The following THSD7B variants were observed in gnomAD, a reference collection of about 807,000 sequenced individuals.
The protein encoded by THSD7B is thrombospondin type-1 domain-containing protein 7B.
In THSD7B, 138 loss-of-function variants were observed where a neutral mutation model predicts 213.6. The ratio of observed to expected loss-of-function variants is 0.65; its 90% CI spans 0.56 to 0.74. THSD7B has a LOEUF of 0.74. THSD7B is among the 30% of genes least tolerant of loss of function. The pLI, the probability that THSD7B is intolerant of heterozygous loss-of-function variation, is 0.00. For missense variants in THSD7B, 1,931 were observed against 1,991.5 expected (o/e 0.97, Z 0.58); for synonymous variants, 742 against 687.0 (o/e 1.08, Z -1.25).
At chr2:136,869,190 G>A (rs755560884) in intron 1 of THSD7B, among the ~76,000 whole-genome samples, 15 of 152,088 alleles carry the variant, frequency 9.9e-5, no homozygotes, top group South Asian at 2.1e-4. Flanking sequence ...TGGGATATTC[G>A]TAATGTATTT....
At chr2:137,395,532 A>G (rs1236306716) in intron 12 of THSD7B, among the ~76,000 whole-genome samples, 4 of 151,784 alleles carry the variant, frequency 2.6e-5, no homozygotes, top group Non-Finnish European at 5.9e-5. Context: ...CATGGTGGAT[A>G]AGCTTTTTGA....
intron 17 of THSD7B, among the ~76,000 whole-genome samples, chr2:137,587,000 C>T (rs1245463455): frequency 6.6e-6 from 1 of 152,250 alleles, no homozygotes; most frequent in Non-Finnish European, 1.5e-5. Flanking sequence ...GGTCTTTTCA[C>T]ATAGTCCCAT....
intron 14 of THSD7B, among the ~76,000 whole-genome samples, chr2:137,416,025 A>G (rs543733286): frequency 6.6e-6 from 1 of 152,326 alleles, no homozygotes; most frequent in Admixed American, 6.5e-5. Context: ...TGCTGTATCC[A>G]CAACACCTAC....
chr2:137,574,062 TGAA>T (rs1287947674), intron 17 of THSD7B, among the ~76,000 whole-genome samples: 2 of 152,128 alleles, frequency 1.3e-5, no homozygotes, highest in South Asian at 2.1e-4. Context: ...ATTAGCAGCC[TGAA>T]GAAGTTTAAT....
chr2:137,411,960 C>G (rs1686665705), intron 14 of THSD7B, 88 bp downstream of exon 14: 2 of 1,426,084 alleles, frequency 1.4e-6, no homozygotes, highest in Non-Finnish European at 1.9e-6. Flanking sequence ...TAGCTCTGCT[C>G]TATAATAATT....
chr2:137,545,559 A>T (rs1242555496), intron 15 of THSD7B, among the ~76,000 whole-genome samples: 1 of 151,930 alleles, frequency 6.6e-6, no homozygotes, highest in African/African-American at 2.4e-5. Context: ...ATAGGAATCC[A>T]AGACAAGTAA....
chr2:137,133,229 C>T (rs1688774061), intron 5 of THSD7B, among the ~76,000 whole-genome samples: 1 of 152,116 alleles, frequency 6.6e-6, no homozygotes, highest in African/African-American at 2.4e-5. Context: ...CCTAAAATTC[C>T]TCATGTAGTA....
chr2:137,260,833 A>G (rs1682426753), intron 10 of THSD7B, among the ~76,000 whole-genome samples: 1 of 152,160 alleles, frequency 6.6e-6, no homozygotes, highest in Admixed American at 6.5e-5. Context: ...ATATTGTTGG[A>G]AGCTAATGTC....
At chr2:136,977,590 G>C (rs965891162) in intron 2 of THSD7B, among the ~76,000 whole-genome samples, 2 of 151,916 alleles carry the variant, frequency 1.3e-5, no homozygotes, top group African/African-American at 4.8e-5. Context: ...TTTTTGATGT[G>C]GGCACTTAGT....
intron 16 of THSD7B, among the ~76,000 whole-genome samples, chr2:137,569,965 A>C (rs1681320554): frequency 6.6e-6 from 1 of 152,044 alleles, no homozygotes; most frequent in South Asian, 2.1e-4. Flanking sequence ...ACATCAGCAG[A>C]TAGTGTGCAG....
chr2:136,883,350 A>AAC (rs989945114), intron 2 of THSD7B, among the ~76,000 whole-genome samples: 6 of 151,492 alleles, frequency 4.0e-5, no homozygotes, highest in Non-Finnish European at 7.4e-5. Flanking sequence ...GTAAAAAAAA[A>AAC]ACACAGCCAC....
intron 7 of THSD7B, among the ~76,000 whole-genome samples, chr2:137,177,491 T>C (rs753448948): frequency 1.3e-5 from 2 of 152,198 alleles, no homozygotes; most frequent in Non-Finnish European, 2.9e-5. Context: ...TCTAGATCAG[T>C]GGTTCTAAAA....
chr2:137,287,057 GA>G (rs544774405), intron 12 of THSD7B, among the ~76,000 whole-genome samples: 92 of 152,062 alleles, frequency 6.1e-4, no homozygotes, highest in African/African-American at 2.1e-3. Flanking sequence ...TCACAGCATA[GA>G]AAAAAATGAT....
chr2:137,227,120 G>A (rs1033624161), intron 7 of THSD7B, among the ~76,000 whole-genome samples: 3 of 152,108 alleles, frequency 2.0e-5, no homozygotes, highest in Admixed American at 2.0e-4. Context: ...ACTTTGGAGT[G>A]ATTAAAATAT....
intron 1 of THSD7B, among the ~76,000 whole-genome samples, chr2:136,803,841 G>A (rs1253366175): frequency 6.6e-6 from 1 of 152,184 alleles, no homozygotes; most frequent in Non-Finnish European, 1.5e-5. Flanking sequence ...AGGAGTGCCA[G>A]TGTGGGAGGG....
At chr2:137,169,261 AG>A (rs796873512) in intron 6 of THSD7B, among the ~76,000 whole-genome samples, 2 of 150,716 alleles carry the variant, frequency 1.3e-5, no homozygotes, top group African/African-American at 4.8e-5. Flanking sequence ...ATTTTAGGTA[AG>A]GATTTTTAAG....
chr2:136,889,915 A>G (rs1683785165), intron 2 of THSD7B, among the ~76,000 whole-genome samples: 1 of 152,072 alleles, frequency 6.6e-6, no homozygotes, highest in Non-Finnish European at 1.5e-5. Flanking sequence ...ATCCTCTAGT[A>G]CTGCTAAAAT....
At chr2:137,490,537 C>T (rs1229932013) in intron 15 of THSD7B, among the ~76,000 whole-genome samples, 3 of 152,190 alleles carry the variant, frequency 2.0e-5, no homozygotes, top group African/African-American at 7.2e-5. Context: ...AGCCCCTGCA[C>T]ATACATCATG....
chr2:137,581,759 CAAAAAAAAAAATAAA>C (rs1261980490), intron 17 of THSD7B, among the ~76,000 whole-genome samples: 10 of 102,516 alleles, frequency 9.8e-5, no homozygotes, highest in African/African-American at 1.5e-4. Flanking sequence ...GACTCCGTCT[CAAAAAAAAAAATAAA>C]AAAAAAAAAA....
Sources: allele counts gnomAD v4.1 joint callset (sites outside exome capture counted in the v4.1 genomes callset), GRCh38; gene constraint gnomAD v4.1.1; transcripts MANE v1.5; gene names NCBI Gene and HGNC (gene_info 2026-07-23, HGNC 2026-07-21).